The following DLC1 variants were observed in gnomAD, a reference collection of about 807,000 sequenced individuals.
DLC1 encodes DLC1 Rho GTPase activating protein, also known as rho GTPase-activating protein 7.
A neutral mutation model predicts 140.3 loss-of-function variants in DLC1; 54 were observed. That is an observed-to-expected ratio of 0.38 (90% CI 0.31 to 0.48). DLC1 has a LOEUF of 0.48. Ranked by LOEUF, DLC1 falls within the 20% of genes least tolerant of loss-of-function variation. DLC1 has a pLI of 0.96. For missense variants in DLC1, 2,536 were observed against 1,907.0 expected (o/e 1.33, Z -6.14); for synonymous variants, 986 against 728.1 (o/e 1.35, Z -5.70).
intron 1 of DLC1, among the ~76,000 whole-genome samples, chr8:13,563,585 C>A (rs1194362672): frequency 6.6e-6 from 1 of 152,102 alleles, no homozygotes; most frequent in East Asian, 1.9e-4. Flanking sequence ...CACAGTGACA[C>A]TTGCAGAATT....
At chr8:13,543,340 G>A (rs1272135432) in intron 1 of DLC1, among the ~76,000 whole-genome samples, 1 of 152,144 alleles carries the variant, frequency 6.6e-6, no homozygotes, top group Non-Finnish European at 1.5e-5. Context: ...AAGTTCAGAA[G>A]TAGATAGTTT....
intron 5 of DLC1, among the ~76,000 whole-genome samples, chr8:13,268,937 T>G (rs1481356164): frequency 6.9e-6 from 1 of 145,182 alleles, no homozygotes; most frequent in South Asian, 2.3e-4. Context: ...TGCAGTGGCG[T>G]GATCTCGGCT....
At chr8:13,500,291 G>A in intron 1 of DLC1, 95 bp from the exon 2 acceptor site, 1 of 433,424 alleles carries the variant, frequency 2.3e-6, no homozygotes, top group East Asian at 3.5e-5. Flanking sequence ...TGCTATCAAA[G>A]TTAAGAGATT....
intron 4 of DLC1, among the ~76,000 whole-genome samples, chr8:13,347,503 C>G (rs1019018784): frequency 1.3e-5 from 2 of 152,180 alleles, no homozygotes; most frequent in East Asian, 3.9e-4. Context: ...TTTAACCTCT[C>G]CTCTGCCACA....
rs60996497 is a variant in DLC1 at position 13,579,361 on chromosome 8, A to ATTTTT, written c.-126+25171_-126+25175dup. 1.6e-4 allele frequency among the ~76,000 whole-genome samples: 4 copies of ATTTTT among 25,486 alleles called. 1 individual carries two copies. In the East Asian group the frequency reaches 5.8e-3, roughly 37 times the overall value. The allele number at this position is 25,486 out of a possible 152,430, so 16.7% of individuals were successfully genotyped here. A position where few individuals can be genotyped will look rare whatever the true frequency, so the allele number is the denominator to read the frequency against. On this transcript the variant is annotated intron_variant, in intron 1 of 1. Coordinates refer to the DLC1 transcript ENST00000631382. ...TATATATATATATATATATATATAT[A>ATTTTT]TTTTTATATAATACATATTTATATA...
intron 4 of DLC1, chr8:13,341,868 C>T (rs1222420637): frequency 1.3e-5 from 2 of 152,142 alleles, no homozygotes; most frequent in Non-Finnish European, 2.9e-5. Context: ...CCATCAGATT[C>T]TCTAATCACC....
intron 2 of DLC1, among the ~76,000 whole-genome samples, chr8:13,470,563 G>A (rs1192349888): frequency 2.6e-5 from 4 of 152,156 alleles, no homozygotes; most frequent in African/African-American, 9.7e-5. Flanking sequence ...AAAGCACAGT[G>A]AAATATTACC....
rs140990758 is a variant in DLC1 at position 13,218,223 on chromosome 8, G to A, written c.1348+87046C>T. 4.2e-3 allele frequency among the ~76,000 whole-genome samples: 635 copies of A among 152,090 alleles called. 12 individuals carry two copies. The highest frequency in any genetic ancestry group is 0.014 in the African/African-American group (581 of 41,510). On this transcript the variant is annotated intron_variant, in intron 5 of 17. Coordinates refer to ENST00000276297, the MANE Select transcript of DLC1 (RefSeq NM_182643.3). Reference sequence around the variant, plus strand: ...TAAACTAGGATCCTTACCTTACACCGTATACAAAAATTAACTAAAAATGGA... The same window carrying A: ...TAAACTAGGATCCTTACCTTACACCATATACAAAAATTAACTAAAAATGGA...
intron 5 of DLC1, among the ~76,000 whole-genome samples, chr8:13,168,760 G>T (rs978789937): frequency 6.6e-6 from 1 of 152,112 alleles, no homozygotes; most frequent in Non-Finnish European, 1.5e-5. Flanking sequence ...ACCGATTATC[G>T]ACAGGCATTA....
At chr8:13,597,251 A>G (rs983280810) in intron 1 of DLC1, among the ~76,000 whole-genome samples, 1 of 152,042 alleles carries the variant, frequency 6.6e-6, no homozygotes, top group African/African-American at 2.4e-5. Context: ...GTCAGCTTAT[A>G]TCTCACATTT....
chr8:13,552,141 A>C (rs1027499887), intron 1 of DLC1, among the ~76,000 whole-genome samples: 5 of 101,770 alleles, frequency 4.9e-5, no homozygotes, highest in African/African-American at 1.4e-4. Flanking sequence ...ATATATATAT[A>C]TCTGTCTAGA....
chr8:13,423,365 C>T (rs909926919), intron 2 of DLC1, among the ~76,000 whole-genome samples: 7 of 152,124 alleles, frequency 4.6e-5, no homozygotes, highest in Admixed American at 1.3e-4. Flanking sequence ...TAGTATCGCC[C>T]TTATTTGTTT....
At chr8:13,303,855 G>C (rs1208123389) in intron 5 of DLC1, among the ~76,000 whole-genome samples, 2 of 152,150 alleles carry the variant, frequency 1.3e-5, no homozygotes, top group Admixed American at 1.3e-4. Flanking sequence ...AAGCTTGACA[G>C]AATGAAGTGT....
At chr8:13,355,306 C>T (rs973805724) in intron 4 of DLC1, among the ~76,000 whole-genome samples, 2 of 152,072 alleles carry the variant, frequency 1.3e-5, no homozygotes, top group South Asian at 2.1e-4. Flanking sequence ...GCCAATATAA[C>T]GAAACCCCAT....
At chr8:13,232,945 T>C (rs1376515967) in intron 5 of DLC1, among the ~76,000 whole-genome samples, 2 of 152,168 alleles carry the variant, frequency 1.3e-5, no homozygotes, top group Non-Finnish European at 2.9e-5. Context: ...TCAATAACAT[T>C]TTTGGAATAA....
chr8:13,535,956 C>G (rs1803264656), intron 1 of DLC1: 1 of 152,104 alleles, frequency 6.6e-6, no homozygotes, highest in Non-Finnish European at 1.5e-5. Context: ...AAGCTCTTAA[C>G]ACATTCAGGA....
At chr8:13,122,905 G>C (rs1821220456) in intron 5 of DLC1, among the ~76,000 whole-genome samples, 1 of 151,766 alleles carries the variant, frequency 6.6e-6, no homozygotes, top group Non-Finnish European at 1.5e-5. Context: ...TCTACTGTTA[G>C]GTATATTTTA....
intron 4 of DLC1, among the ~76,000 whole-genome samples, chr8:13,337,232 C>A (rs1207022773): frequency 6.6e-6 from 1 of 152,148 alleles, no homozygotes; most frequent in Non-Finnish European, 1.5e-5. Flanking sequence ...ATGTGGATAT[C>A]ATTTCCATAA....
intron 12 of DLC1, 136 bp from the exon 13 acceptor site, chr8:13,092,961 G>C: frequency 1.1e-6 from 1 of 932,866 alleles, no homozygotes; most frequent in East Asian, 2.7e-5. Flanking sequence ...TGCACTAGAG[G>C]TTAATACGGT....
Sources: gnomAD v4.1 joint callset for allele counts (sites outside exome capture counted in the v4.1 genomes callset) on GRCh38, gnomAD v4.1.1 for gene constraint, MANE v1.5 for transcripts, NCBI Gene and HGNC (gene_info 2026-07-23, HGNC 2026-07-21) for gene names.